The following POGK variants were observed in gnomAD, a reference collection of about 807,000 sequenced individuals.
The protein encoded by POGK is pogo transposable element derived with KRAB domain.
POGK carries 16 observed loss-of-function variants against 54.4 expected under a neutral mutation model. The ratio of observed to expected loss-of-function variants is 0.29; its 90% CI spans 0.20 to 0.45. POGK has a LOEUF of 0.45. Ranked by LOEUF, POGK falls within the 20% of genes least tolerant of loss-of-function variation. The pLI is 1.00. For synonymous variants in POGK, 271 were observed against 302.2 expected (o/e 0.90, Z 1.07); for missense variants, 515 against 795.6 (o/e 0.65, Z 4.24).
At chr1:166,846,513 G>A in intron 2 of POGK, 99 bp from the exon 3 acceptor site, 2 of 1,489,598 alleles carry the variant, frequency 1.3e-6, no homozygotes, top group East Asian at 2.3e-5. Flanking sequence ...ACCTGTGAGA[G>A]GACAGGCTGT....
rs1343183806 is a variant in POGK, at chr1:166,849,168, C to T, written c.589C>T (p.Arg197Cys). 1.9e-6 allele frequency: 3 copies of T among 1,614,052 alleles called. No individual in the cohort carries two copies. Among genetic ancestry groups the T allele is most frequent in the Non-Finnish European group, 2.5e-6 (3 of 1,180,052 alleles). The change falls in exon 5 of 6, where the codon CGC (arginine) becomes TGC (cysteine). Residue 197 changes from arginine (R) to cysteine (C), a missense_variant. Arg to Cys is a radical substitution (Grantham distance 180). Around this residue, in one of 2 missense-constraint regions of POGK, gnomAD observed 461 missense variants for 743.5 expected, o/e 0.62. Transcript: ENST00000367876. ...AGKFQFSRGM[R>C]RSYDAGFKLM... is the part of the protein sequence containing the mutation. ...GAAGTTTCAGTTCAGCCGGGGCATG[C>T]GCCGCAGTTACGACGCAGGGTTCAA...
intron 2 of POGK, among the ~76,000 whole-genome samples, chr1:166,846,117 C>T (rs1196390965): frequency 6.6e-6 from 1 of 152,152 alleles, no homozygotes; most frequent in Non-Finnish European, 1.5e-5. Flanking sequence ...CACAAAGATC[C>T]CACGGAGGGC....
chr1:166,850,206 C>T lies in POGK; in HGVS notation c.1627C>T (p.Pro543Ser). 2 of 1,554,908 alleles carry T rather than the reference C, an allele frequency of 1.3e-6. No homozygotes were observed. Among genetic ancestry groups the T allele is most frequent in the Non-Finnish European group, 1.7e-6 (2 of 1,148,636 alleles). ...CCCAACCGGGAATGCTAAGAAGCCA[C>T]CCCTGGGCCTCTTTCTGGAGTGGGT... Reference protein sequence around the residue: ...LSPTGNAKKPPLGLFLEWVMV... With the variant: ...LSPTGNAKKPSLGLFLEWVMV... The change falls in exon 5 of 6, where the codon CCC (proline) becomes TCC (serine). Residue 543 changes from proline (P) to serine (S), a missense_variant. Transcript: ENST00000367876.
At chr1:166,846,504 C>T in intron 2 of POGK, 108 bp from the exon 3 acceptor site, 1 of 1,437,176 alleles carries the variant, frequency 7.0e-7, no homozygotes, top group Admixed American at 1.8e-5. Flanking sequence ...CCTCACCTGA[C>T]CTGTGAGAGG....
intron 2 of POGK, among the ~76,000 whole-genome samples, chr1:166,844,253 C>T (rs1381874367): frequency 6.6e-6 from 1 of 152,178 alleles, no homozygotes; most frequent in Non-Finnish European, 1.5e-5. Context: ...GTTACCCCCC[C>T]TAAGAGTATT....
At position 166,855,588 on chromosome 1, in the gene POGK, T is replaced by G. The variant is rs114094116; in HGVS notation, c.*3018T>G. 6.6e-6 allele frequency: 1 copy of G among 152,260 alleles called. No homozygotes were observed. The highest frequency in any genetic ancestry group is 1.5e-5 in the Non-Finnish European group (1 of 68,072). The allele number at this position is 152,260 out of a possible 1,614,324, so 9.4% of individuals were successfully genotyped here. ...TAGGAAAATTGGCATGGAGAGCAGA[T>G]AGTAGAGTGTAGACCTGAAATACAT... On this transcript the variant is annotated 3_prime_UTR_variant, in exon 6 of 6. Transcript: ENST00000367876.
At chr1:166,846,888 T>G (rs1269643845) in intron 3 of POGK, 150 bp downstream of exon 3, 1 of 1,097,168 alleles carries the variant, frequency 9.1e-7, no homozygotes, top group Non-Finnish European at 1.3e-6. Flanking sequence ...AATTTTTGAT[T>G]TGGGCAGTAT....
At chr1:166,844,072 G>A (rs1300959882) in intron 2 of POGK, among the ~76,000 whole-genome samples, 4 of 152,248 alleles carry the variant, frequency 2.6e-5, no homozygotes, top group South Asian at 2.1e-4. Context: ...TTGCTGTGAG[G>A]AGAATGTCTA....
chr1:166,849,283 G>T lies in POGK; in HGVS notation c.704G>T (p.Arg235Leu), dbSNP rs757029029. ...GVLEKNVRDWRKVKPQLQNAH... is the reference protein window; with the variant it reads ...GVLEKNVRDWLKVKPQLQNAH... ...TTGGAAAAAAACGTTCGAGACTGGC[G>T]CAAAGTGAAGCCACAGCTTCAAAAC... Residue 235 changes from arginine to leucine, a missense_variant, in exon 5 of 6, where the codon CGC becomes CTC. Physicochemically the swap from Arg to Leu is moderately radical, Grantham distance 102. This residue lies in a region of POGK where 461 missense variants were observed against 743.5 expected (regional missense o/e 0.62). Coordinates refer to ENST00000367876, the MANE Select transcript of POGK (RefSeq NM_017542.5). The T allele has an allele frequency of 6.2e-7, 1 of 1,614,212 alleles. No homozygotes were observed. The highest frequency in any genetic ancestry group is 1.1e-5 in the South Asian group (1 of 91,092).
At position 166,851,868 on chromosome 1, in the gene POGK, A is replaced by T. The variant is rs116588882; in HGVS notation, c.*15-717A>T. 3.9e-5 allele frequency: 6 copies of T among 152,280 alleles called. No homozygotes were observed. In the South Asian group the frequency reaches 8.3e-4, roughly 21 times the overall value. 9.4% of individuals were successfully genotyped at this position (152,280 alleles called of 1,614,324 possible). A position where few individuals can be genotyped will look rare whatever the true frequency, so the allele number is the denominator to read the frequency against. On this transcript the variant is annotated intron_variant, in intron 5 of 5. Transcript: ENST00000367876. ...TCCATCTTCCTTGCTTTTTTCTCCA[A>T]ATGAAATGCTAATGGGAGCCTTATT... is the stretch of plus-strand genomic sequence containing the variant.
At chr1:166,840,480 T>C (rs1657446959) in intron 1 of POGK, 1 of 153,546 alleles carries the variant, frequency 6.5e-6, no homozygotes, top group Admixed American at 6.5e-5. Flanking sequence ...GCTCCGCCCA[T>C]GCTTAACTGG....
rs547734745 is a variant in POGK at position 166,850,269 on chromosome 1, G to A, written c.1690G>A (p.Val564Ile). 23 of 1,576,286 alleles carry A rather than the reference G, an allele frequency of 1.5e-5. No homozygotes were observed. Among genetic ancestry groups the A allele is most frequent in the South Asian group, 5.8e-5 (5 of 86,542 alleles). ...GAATAGCATCTCAAGTGAGTCCATC[G>A]TCCAAGGGTTCAAGAAGTGCCATAT... The part of the protein sequence containing the change: ...AWNSISSESI[V>I]QGFKKCHISS... The change falls in exon 5 of 6, where the codon GTC (valine) becomes ATC (isoleucine). Residue 564 changes from valine (V) to isoleucine (I), a missense_variant. Physicochemically the swap from Val to Ile is conservative, Grantham distance 29. Coordinates refer to ENST00000367876, the MANE Select transcript of POGK (RefSeq NM_017542.5).
Position 166,854,862 on chromosome 1 carries a change from A to G in POGK, c.*2292A>G, listed in dbSNP as rs977145598. 1 of 151,614 alleles carries G rather than the reference A, an allele frequency of 6.6e-6. No homozygotes were observed. Among genetic ancestry groups the G allele is most frequent in the Non-Finnish European group, 1.5e-5 (1 of 68,030 alleles). The allele number at this position is 151,614 out of a possible 1,614,324, so 9.4% of individuals were successfully genotyped here. A position where few individuals can be genotyped will look rare whatever the true frequency, so the allele number is the denominator to read the frequency against. On this transcript the variant is annotated 3_prime_UTR_variant, in exon 6 of 6. Transcript: ENST00000367876. ...TACAGTGCCCATAAAGTAGTAGTTGATTCTCCAGGAATAATCTGGCAGTGT... is the reference window on the plus strand; with the variant it reads ...TACAGTGCCCATAAAGTAGTAGTTGGTTCTCCAGGAATAATCTGGCAGTGT...
intron 5 of POGK, chr1:166,850,646 C>T: frequency 4.2e-6 from 2 of 478,484 alleles, no homozygotes; most frequent in Non-Finnish European, 7.3e-6. Flanking sequence ...CAAGCATTAC[C>T]ACCTGAGCTC....
At chr1:166,841,643 A>G (rs758043500) in intron 2 of POGK, among the ~76,000 whole-genome samples, 1 of 152,270 alleles carries the variant, frequency 6.6e-6, no homozygotes, top group East Asian at 1.9e-4. Context: ...CAAATGCAGT[A>G]GATACTTATA....
At chr1:166,843,308 C>G (rs987902461) in intron 2 of POGK, among the ~76,000 whole-genome samples, 1 of 152,198 alleles carries the variant, frequency 6.6e-6, no homozygotes, top group Non-Finnish European at 1.5e-5. Flanking sequence ...CCAGAGCCAG[C>G]CAGGAGGACA....
At chr1:166,841,190 G>T (rs775984261) in intron 2 of POGK, 102 bp downstream of exon 2, 2 of 1,471,742 alleles carry the variant, frequency 1.4e-6, no homozygotes, top group Non-Finnish European at 1.8e-6. Context: ...AGTAAAAATA[G>T]CCCAGCCCGG....
At chr1:166,839,689 C>T (rs1490316225) in intron 1 of POGK, 85 bp downstream of exon 1, 1 of 124,440 alleles carries the variant, frequency 8.0e-6, no homozygotes, top group Non-Finnish European at 1.7e-5. Flanking sequence ...GCGGGGGCGC[C>T]GAGGCTGCGC....
intron 4 of POGK, among the ~76,000 whole-genome samples, chr1:166,848,324 T>G (rs1442311795): frequency 6.6e-6 from 1 of 152,248 alleles, no homozygotes; most frequent in East Asian, 1.9e-4. Flanking sequence ...CATTTTAGTT[T>G]GGGTGAGATA....
Sources: allele counts gnomAD v4.1 joint callset (sites outside exome capture counted in the v4.1 genomes callset), GRCh38; gene constraint gnomAD v4.1.1; regional missense constraint gnomAD v4.1.1; transcripts MANE v1.5; gene names NCBI Gene and HGNC (gene_info 2026-07-23, HGNC 2026-07-21).